SLC8A1: variants seen among roughly 807,000 people sequenced by gnomAD.
The protein encoded by SLC8A1 is solute carrier family 8 member A1, also known as sodium/calcium exchanger 1.
Under a neutral mutation model 68.3 loss-of-function variants are expected in SLC8A1, and 18 were observed. The observed-to-expected ratio is 0.26, with a 90% CI of 0.18 to 0.39. SLC8A1 has a LOEUF of 0.39. Ranked by LOEUF, SLC8A1 falls within the 10% of genes least tolerant of loss-of-function variation. The pLI, the probability that SLC8A1 is intolerant of heterozygous loss-of-function variation, is 1.00. For missense variants in SLC8A1, 985 were observed against 1,156.7 expected (o/e 0.85, Z 2.15); for synonymous variants, 475 against 415.5 (o/e 1.14, Z -1.74).
rs199578969 is a variant in SLC8A1, at chr2:40,488,331, AGGGAATTACCGTGCCATAGAATTT to A, written c.-25+23994_-25+24017del. ...AAGCTAGTGAAAGACTATAAATGAC[AGGGAATTACCGTGCCATAGAATTT>A]GGGAGATTCAGGCCCATTCGTATTC... On this transcript the variant is annotated intron_variant, in intron 1 of 7. Transcript: ENST00000402441. 4.2e-4 allele frequency among the ~76,000 whole-genome samples: 64 copies of A among 152,112 alleles called. No homozygotes were observed. In the East Asian group the frequency reaches 8.7e-3, roughly 21 times the overall value.
intron 2 of SLC8A1, among the ~76,000 whole-genome samples, chr2:40,399,609 A>G (rs1688070758): frequency 6.6e-6 from 1 of 152,134 alleles, no homozygotes. Context: ...AATGCTCCCT[A>G]GGGGCCTTAA....
At chr2:40,466,087 C>T (rs1174416125) in intron 1 of SLC8A1, among the ~76,000 whole-genome samples, 1 of 152,082 alleles carries the variant, frequency 6.6e-6, no homozygotes, top group Admixed American at 6.6e-5. Flanking sequence ...TGTCTGTTCT[C>T]TATAAGTTAC....
chr2:40,324,908 G>A (rs547261727), intron 2 of SLC8A1, among the ~76,000 whole-genome samples: 3 of 152,238 alleles, frequency 2.0e-5, no homozygotes, highest in South Asian at 4.2e-4. Context: ...TCCTTGCAGT[G>A]CAACAACCAA....
Position 40,419,831 on chromosome 2 carries a change from G to T in SLC8A1, c.1808+8642C>A, listed in dbSNP as rs72798672. ...TGTGTGTGTAAGACAAATGTTCTTT[G>T]TTGAAAGCTAACAGTTGCAGGCTTC... is the stretch of plus-strand genomic sequence containing the variant. On this transcript the variant is annotated intron_variant, in intron 2 of 7. Transcript: ENST00000406785. 3.8e-3 allele frequency among the ~76,000 whole-genome samples: 579 copies of T among 152,050 alleles called. 1 individual carries two copies. Among genetic ancestry groups the T allele is most frequent in the Middle Eastern group, 0.027 (8 of 294 alleles).
At chr2:40,293,437 A>T (rs1384161802) in intron 2 of SLC8A1, among the ~76,000 whole-genome samples, 1 of 152,234 alleles carries the variant, frequency 6.6e-6, no homozygotes, top group African/African-American at 2.4e-5. Flanking sequence ...CCAGTTAAAT[A>T]AACCTTAATC....
At chr2:40,230,673 T>C (rs2059540269) in intron 2 of SLC8A1, among the ~76,000 whole-genome samples, 1 of 152,212 alleles carries the variant, frequency 6.6e-6, no homozygotes, top group Admixed American at 6.5e-5. Context: ...TGAACATATA[T>C]GGATATTCAT....
At chr2:40,263,423 G>A (rs1662092235) in intron 2 of SLC8A1, among the ~76,000 whole-genome samples, 1 of 152,136 alleles carries the variant, frequency 6.6e-6, no homozygotes, top group African/African-American at 2.4e-5. Flanking sequence ...GAACAAAGCT[G>A]GAGGCATCAC....
chr2:40,428,323 T>C, intron 2 of SLC8A1, 150 bp downstream of exon 2: 1 of 1,346,130 alleles, frequency 7.4e-7, no homozygotes, highest in South Asian at 2.0e-5. Flanking sequence ...AAGCAAAGAC[T>C]GATATCTTGA....
At chr2:40,140,603 CATGTAATACTG>C (rs1257868177) in intron 6 of SLC8A1, among the ~76,000 whole-genome samples, 3 of 152,216 alleles carry the variant, frequency 2.0e-5, no homozygotes, top group Non-Finnish European at 2.9e-5. Flanking sequence ...ACAAGCCCTC[CATGTAATACTG>C]ATGCATGGTC....
At chr2:40,300,877 G>A (rs1197413170) in intron 2 of SLC8A1, among the ~76,000 whole-genome samples, 1 of 152,150 alleles carries the variant, frequency 6.6e-6, no homozygotes, top group Non-Finnish European at 1.5e-5. Context: ...GCAAAGAACT[G>A]TGATGAGTTA....
intron 2 of SLC8A1, among the ~76,000 whole-genome samples, chr2:40,239,227 C>G (rs1305841760): frequency 1.3e-5 from 2 of 151,966 alleles, no homozygotes; most frequent in African/African-American, 4.8e-5. Flanking sequence ...AACACAGTAC[C>G]CCAATTCTAG....
intron 1 of SLC8A1, among the ~76,000 whole-genome samples, chr2:40,502,259 T>C (rs886894181): frequency 7.2e-5 from 11 of 152,084 alleles, no homozygotes; most frequent in Admixed American, 2.6e-4. Flanking sequence ...CTCATGTCAT[T>C]CATCTAACCC....
intron 2 of SLC8A1, among the ~76,000 whole-genome samples, chr2:40,253,046 T>TATATACATATGTATCA (rs1405415976): frequency 1.5e-5 from 2 of 137,154 alleles, no homozygotes; most frequent in Admixed American, 7.6e-5. Context: ...TATCAGTATA[T>TATATACATATGTATCA]GTATATATGT....
chr2:40,332,701 C>G (rs2076542705), intron 2 of SLC8A1, among the ~76,000 whole-genome samples: 1 of 152,158 alleles, frequency 6.6e-6, no homozygotes, highest in African/African-American at 2.4e-5. Flanking sequence ...AATGTCAAAC[C>G]TGTTTAAAAA....
intron 2 of SLC8A1, among the ~76,000 whole-genome samples, chr2:40,303,291 A>C (rs2071886348): frequency 1.3e-5 from 2 of 152,228 alleles, no homozygotes; most frequent in South Asian, 4.1e-4. Context: ...TTTTACTTCA[A>C]GAGTTATTAC....
intron 2 of SLC8A1, among the ~76,000 whole-genome samples, chr2:40,407,208 G>A (rs1690648193): frequency 6.6e-6 from 1 of 152,088 alleles, no homozygotes; most frequent in Admixed American, 6.5e-5. Flanking sequence ...TGGGATTACA[G>A]GTGCCCACCA....
intron 2 of SLC8A1, among the ~76,000 whole-genome samples, chr2:40,242,138 G>C (rs1574576798): frequency 6.6e-6 from 1 of 152,110 alleles, no homozygotes; most frequent in African/African-American, 2.4e-5. Context: ...AAGGATGTGT[G>C]TGTGTGTGCG....
chr2:40,330,491 G>C (rs1483530021), intron 2 of SLC8A1, among the ~76,000 whole-genome samples: 1 of 152,094 alleles, frequency 6.6e-6, no homozygotes, highest in Non-Finnish European at 1.5e-5. Flanking sequence ...GTAGAAAACT[G>C]GAAATACAAG....
chr2:40,486,267 C>A (rs1704963439), intron 1 of SLC8A1, among the ~76,000 whole-genome samples: 1 of 152,296 alleles, frequency 6.6e-6, no homozygotes, highest in East Asian at 1.9e-4. Flanking sequence ...TACCTAGTCT[C>A]TGATATGTCT....
Sources: allele counts gnomAD v4.1 joint callset (sites outside exome capture counted in the v4.1 genomes callset), GRCh38; gene constraint gnomAD v4.1.1; transcripts MANE v1.5; gene names NCBI Gene and HGNC (gene_info 2026-07-23, HGNC 2026-07-21).